The following FREM1 variants were observed in gnomAD, a reference collection of about 807,000 sequenced individuals.
FREM1 encodes the protein FRAS1-related extracellular matrix protein 1.
In FREM1, 220 loss-of-function variants were observed where a neutral mutation model predicts 210.1. The observed-to-expected ratio is 1.05, with a 90% CI of 0.94 to 1.17. The LOEUF is 1.17. FREM1 is among the 50% of genes most tolerant of loss of function. The pLI is 0.00. For missense variants in FREM1, 3,454 were observed against 2,675.5 expected, an observed-to-expected ratio of 1.29 and a Z score of -6.42; for synonymous variants, 1,189 against 980.2, an observed-to-expected ratio of 1.21 and a Z score of -3.98.
At position 14,910,373 on chromosome 9, in the gene FREM1, C is replaced by G. The variant is rs1481600591; in HGVS notation, c.-727G>C. The stretch of plus-strand genomic sequence containing the variant: ...AAAACTGAGCTTTTGTTAATGAGGT[C>G]GGTTGCCTCTTCCCAGTCTCTTCCC... On this transcript the variant is annotated 5_prime_UTR_variant, in exon 1 of 37. Coordinates refer to ENST00000380880, the MANE Select transcript of FREM1 (RefSeq NM_001379081.2). The G allele has an allele frequency of 2.6e-5, 4 of 152,426 alleles. No homozygotes were observed. The highest frequency in any genetic ancestry group is 3.9e-4 in the East Asian group (2 of 5,172). The allele number at this position is 152,426 out of a possible 1,614,324, so 9.4% of individuals were successfully genotyped here. A position where few individuals can be genotyped will look rare whatever the true frequency, so the allele number is the denominator to read the frequency against.
At chr9:14,883,093 T>C (rs1835107819) in intron 1 of FREM1, among the ~76,000 whole-genome samples, 1 of 152,062 alleles carries the variant, frequency 6.6e-6, no homozygotes, top group East Asian at 1.9e-4. Context: ...GTAGAAGGAA[T>C]TGGGCCTGGA....
intron 19 of FREM1, among the ~76,000 whole-genome samples, chr9:14,803,061 TTTTC>T (rs917904481): frequency 8.6e-5 from 10 of 116,408 alleles, no homozygotes; most frequent in African/African-American, 1.7e-4. Context: ...TTTCTTTTTC[TTTTC>T]TTTCTTTCTC....
At position 14,893,547 on chromosome 9, in the gene FREM1, T is replaced by G. The variant is rs62534801; in HGVS notation, c.-268+16367A>C. Among the ~76,000 whole-genome samples, 176 of 152,312 alleles carry G rather than the reference T, an allele frequency of 1.2e-3. 2 individuals carry two copies. The highest frequency in any genetic ancestry group is 1.4e-3 in the Non-Finnish European group (92 of 68,034). On this transcript the variant is annotated intron_variant, in intron 1 of 36. Coordinates refer to ENST00000380880, the MANE Select transcript of FREM1 (RefSeq NM_001379081.2). ...GTCTTCTGTGTAGTTATATGTGTTGTGTGTGTAATATAAAAGAGCTTTTGT... is the reference window on the plus strand; with the variant it reads ...GTCTTCTGTGTAGTTATATGTGTTGGGTGTGTAATATAAAAGAGCTTTTGT...
chr9:14,737,730 G>A (rs1293380643), intron 36 of FREM1, 135 bp from the exon 37 acceptor site: 4 of 644,906 alleles, frequency 6.2e-6, no homozygotes, highest in Non-Finnish European at 9.7e-6. Context: ...TAGGAACTTG[G>A]AATACTCTAA....
At chr9:14,801,108 G>A (rs1477713708) in intron 20 of FREM1, among the ~76,000 whole-genome samples, 3 of 151,998 alleles carry the variant, frequency 2.0e-5, no homozygotes, top group Non-Finnish European at 4.4e-5. Flanking sequence ...AAGCGATTTC[G>A]TGCCTCAGCC....
intron 2 of FREM1, among the ~76,000 whole-genome samples, chr9:14,867,754 T>C (rs1277835742): frequency 6.6e-6 from 1 of 152,202 alleles, no homozygotes; most frequent in Non-Finnish European, 1.5e-5. Flanking sequence ...GGTCCATTTT[T>C]CCAGAAGCAG....
At chr9:14,793,577 A>G (rs1355783761) in intron 21 of FREM1, among the ~76,000 whole-genome samples, 1 of 152,178 alleles carries the variant, frequency 6.6e-6, no homozygotes, top group African/African-American at 2.4e-5. Flanking sequence ...CTGCCTTCAC[A>G]GCCTATATGG....
chr9:14,852,726 T>G (rs1828002634), intron 5 of FREM1, among the ~76,000 whole-genome samples: 1 of 152,212 alleles, frequency 6.6e-6, no homozygotes, highest in African/African-American at 2.4e-5. Flanking sequence ...CTGTAGATGC[T>G]AGTTCTCACA....
intron 1 of FREM1, among the ~76,000 whole-genome samples, chr9:14,891,916 G>A (rs1051825192): frequency 6.6e-6 from 1 of 152,174 alleles, no homozygotes; most frequent in African/African-American, 2.4e-5. Flanking sequence ...GTGGGAGGGA[G>A]ATTTATAATC....
At chr9:14,806,178 A>G (rs80180800) in intron 18 of FREM1, among the ~76,000 whole-genome samples, 2,079 of 152,254 alleles carry the variant, frequency 0.014, 61 homozygotes, top group African/African-American at 0.047. Flanking sequence ...AAAAATTTAA[A>G]TGAAAAATGG....
At chr9:14,790,526 G>A (rs185494152) in intron 22 of FREM1, 10 of 152,228 alleles carry the variant, frequency 6.6e-5, no homozygotes, top group Admixed American at 4.6e-4. Context: ...CTTGTCTAAG[G>A]AAGTAAGCAC....
chr9:14,791,657 C>T lies in FREM1; in HGVS notation c.3981+1086G>A, dbSNP rs979789571. On this transcript the variant is annotated intron_variant, in intron 22 of 36. Transcript: ENST00000380880. ...TTTTAAGTTCATGTCAGATAGAATA[C>T]AGAACAATTTGGCATATTGTTTGTG... Among the ~76,000 whole-genome samples, 11 of 152,080 alleles carry T rather than the reference C, an allele frequency of 7.2e-5. No individual in the cohort carries two copies. The South Asian group carries it at 1.4e-3, about 20-fold the overall frequency.
At chr9:14,869,649 G>A (rs780999783) in intron 1 of FREM1, among the ~76,000 whole-genome samples, 1 of 152,162 alleles carries the variant, frequency 6.6e-6, no homozygotes, top group African/African-American at 2.4e-5. Flanking sequence ...AGAGCTGATA[G>A]GATTATTAAC....
At chr9:14,751,079 C>A (rs946346200) in intron 29 of FREM1, among the ~76,000 whole-genome samples, 2 of 152,166 alleles carry the variant, frequency 1.3e-5, no homozygotes, top group Non-Finnish European at 2.9e-5. Context: ...CTGAGATGAT[C>A]TCATCCTGAC....
intron 1 of FREM1, among the ~76,000 whole-genome samples, chr9:14,896,930 C>G (rs911419114): frequency 6.6e-6 from 1 of 152,172 alleles, no homozygotes; most frequent in Non-Finnish European, 1.5e-5. Flanking sequence ...ATCTGCATTC[C>G]TTGCTCAAGA....
At chr9:14,783,462 T>C (rs1048523868) in intron 24 of FREM1, among the ~76,000 whole-genome samples, 2 of 152,208 alleles carry the variant, frequency 1.3e-5, no homozygotes, top group African/African-American at 4.8e-5. Context: ...GGGTGTACAA[T>C]AGACAAACCA....
chr9:14,745,653 A>G lies in FREM1; in HGVS notation c.6254+700T>C, dbSNP rs568205752. On this transcript the variant is annotated intron_variant, in intron 35 of 36. Transcript: ENST00000380880. ...ACGAGATCAGATCAATAATAACCAG[A>G]GACTTCCCTAGTCTCAATTTCCAGC... Among the ~76,000 whole-genome samples the G allele has an allele frequency of 1.1e-4, 17 of 152,350 alleles. No individual in the cohort carries two copies. The South Asian group carries it at 2.1e-3, about 19-fold the overall frequency.
intron 2 of FREM1, among the ~76,000 whole-genome samples, chr9:14,865,861 C>A (rs1291779781): frequency 2.0e-5 from 3 of 152,108 alleles, no homozygotes; most frequent in African/African-American, 7.2e-5. Flanking sequence ...CAAATAGGAA[C>A]AATCACCTGG....
chr9:14,819,496 G>C (rs1820888858), intron 13 of FREM1, 54 bp from the exon 14 acceptor site: 1 of 1,088,128 alleles, frequency 9.2e-7, no homozygotes, highest in Non-Finnish European at 1.4e-6. Flanking sequence ...GACCCCTGAA[G>C]ACAGAGCTCA....
Sources: gnomAD v4.1 joint callset for allele counts (sites outside exome capture counted in the v4.1 genomes callset) on GRCh38, gnomAD v4.1.1 for gene constraint, MANE v1.5 for transcripts, NCBI Gene and HGNC (gene_info 2026-07-23, HGNC 2026-07-21) for gene names.